Variants in MAGI1 observed in about 807,000 individuals in gnomAD.
MAGI1 encodes the protein membrane associated guanylate kinase, WW and PDZ domain containing 1.
MAGI1 carries 58 observed loss-of-function variants against 139.9 expected under a neutral mutation model. That is an observed-to-expected ratio of 0.41 (90% CI 0.34 to 0.52). The LOEUF is 0.52. Among genes scored for constraint, MAGI1 ranks in the 20% least tolerant of loss-of-function variants. The probability of loss-of-function intolerance (pLI) is 0.12; values close to 1 mark genes in which losing one functional copy is unlikely to be tolerated. For synonymous variants in MAGI1, 812 were observed against 737.9 expected, an observed-to-expected ratio of 1.10 and a Z score of -1.63; for missense variants, 1,874 against 1,901.6, an observed-to-expected ratio of 0.99 and a Z score of 0.27.
At chr3:65,512,828 C>T (rs1278591197) in intron 2 of MAGI1, among the ~76,000 whole-genome samples, 1 of 151,514 alleles carries the variant, frequency 6.6e-6, no homozygotes, top group Non-Finnish European at 1.5e-5. Context: ...CATTCTGATA[C>T]CAAAGCCAGG....
At chr3:65,748,169 G>A (rs2107809408) in intron 1 of MAGI1, among the ~76,000 whole-genome samples, 1 of 152,248 alleles carries the variant, frequency 6.6e-6, no homozygotes, top group Non-Finnish European at 1.5e-5. Flanking sequence ...ATTTAGACAT[G>A]AAGATTTTTC....
At chr3:65,707,689 C>CA (rs57489811) in intron 1 of MAGI1, among the ~76,000 whole-genome samples, 17,438 of 87,676 alleles carry the variant, frequency 0.2, 1,450 homozygotes, top group East Asian at 0.32. Context: ...TACCCTATCT[C>CA]AAAAAAAAAA....
At chr3:65,699,855 T>C (rs2089476666) in intron 1 of MAGI1, among the ~76,000 whole-genome samples, 1 of 150,034 alleles carries the variant, frequency 6.7e-6, no homozygotes, top group African/African-American at 2.5e-5. Flanking sequence ...TGTGCACATG[T>C]ACCCTAAAAC....
At chr3:65,833,630 A>C (rs1387467760) in intron 1 of MAGI1, among the ~76,000 whole-genome samples, 2 of 152,200 alleles carry the variant, frequency 1.3e-5, no homozygotes, top group African/African-American at 2.4e-5. Flanking sequence ...TGTCATATAA[A>C]ATAGAGAATA....
intron 1 of MAGI1, among the ~76,000 whole-genome samples, chr3:65,923,226 CTTT>C (rs72035925): frequency 2.9e-5 from 4 of 139,934 alleles, no homozygotes; most frequent in Non-Finnish European, 1.5e-5. Context: ...CAACAGACAT[CTTT>C]TTTTTTTTTT....
Position 65,430,696 on chromosome 3 carries a change from T to G in MAGI1, c.1546+3A>C. 1 of 1,613,024 alleles carries G rather than the reference T, an allele frequency of 6.2e-7. No homozygotes were observed. ...GAACACACTAAGGCCATGTTGACGC[T>G]ACCTGTTTCCATCTTGCCATCCAAT... On this transcript the variant is annotated splice_donor_region_variant and intron_variant, in intron 11 of 22. Coordinates refer to ENST00000402939, the MANE Select transcript of MAGI1 (RefSeq NM_001033057.2).
At chr3:65,389,931 C>T (rs1300334167) in intron 14 of MAGI1, among the ~76,000 whole-genome samples, 1 of 152,224 alleles carries the variant, frequency 6.6e-6, no homozygotes, top group East Asian at 1.9e-4. Context: ...AGCAAGACTC[C>T]AGGCTCACCT....
At chr3:65,863,292 C>T (rs1397978976) in intron 1 of MAGI1, among the ~76,000 whole-genome samples, 3 of 152,216 alleles carry the variant, frequency 2.0e-5, no homozygotes, top group Admixed American at 6.5e-5. Flanking sequence ...AAGACTATTA[C>T]TTATGATATA....
At chr3:65,718,134 A>G (rs183379218) in intron 1 of MAGI1, among the ~76,000 whole-genome samples, 15 of 152,320 alleles carry the variant, frequency 9.8e-5, no homozygotes, top group African/African-American at 3.6e-4. Flanking sequence ...CTACAAGGTC[A>G]CAGTGACATA....
chr3:65,768,167 C>T (rs1157983110), intron 1 of MAGI1, among the ~76,000 whole-genome samples: 1 of 152,176 alleles, frequency 6.6e-6, no homozygotes, highest in Admixed American at 6.5e-5. Context: ...TGCCTGTAAT[C>T]CCAGCACTTT....
At chr3:65,443,323 T>A (rs913839637) in intron 7 of MAGI1, among the ~76,000 whole-genome samples, 1 of 152,216 alleles carries the variant, frequency 6.6e-6, no homozygotes, top group Non-Finnish European at 1.5e-5. Context: ...TCCTTGTTCC[T>A]AATGAAAATG....
intron 2 of MAGI1, among the ~76,000 whole-genome samples, chr3:65,544,355 A>G (rs1273860363): frequency 6.6e-6 from 1 of 152,154 alleles, no homozygotes; most frequent in Admixed American, 6.5e-5. Context: ...TGCAGCAGGG[A>G]TAATGCACAC....
intron 6 of MAGI1, chr3:65,453,053 T>C (rs1250037573): frequency 1.5e-5 from 8 of 543,510 alleles, no homozygotes; most frequent in Admixed American, 1.2e-4. Context: ...AGTAAGCATC[T>C]GTCTTTATGT....
At chr3:65,967,046 C>A (rs544825888) in intron 1 of MAGI1, among the ~76,000 whole-genome samples, 2 of 152,264 alleles carry the variant, frequency 1.3e-5, no homozygotes, top group South Asian at 4.1e-4. Flanking sequence ...AGAGGCTCAG[C>A]AACTTGCCCA....
At chr3:65,903,461 G>C (rs2061319442) in intron 1 of MAGI1, among the ~76,000 whole-genome samples, 1 of 152,082 alleles carries the variant, frequency 6.6e-6, no homozygotes, top group Admixed American at 6.5e-5. Context: ...CTACTTCCTA[G>C]GGCAGCATAA....
At chr3:65,366,467 C>T (rs1403216419) in intron 18 of MAGI1, among the ~76,000 whole-genome samples, 7 of 152,164 alleles carry the variant, frequency 4.6e-5, no homozygotes, top group African/African-American at 1.7e-4. Context: ...ATGCACTCCT[C>T]TGAGTCTTTA....
intron 2 of MAGI1, among the ~76,000 whole-genome samples, chr3:65,610,490 AT>A (rs779563827): frequency 1.3e-5 from 2 of 151,268 alleles, no homozygotes; most frequent in African/African-American, 2.4e-5. Flanking sequence ...TCAGGCAGCT[AT>A]TTTTTTTCAA....
chr3:66,005,221 T>C (rs966238495), intron 1 of MAGI1, among the ~76,000 whole-genome samples: 1 of 152,178 alleles, frequency 6.6e-6, no homozygotes, highest in African/African-American at 2.4e-5. Flanking sequence ...TCTTTGAATG[T>C]GTTGCAAGGG....
chr3:65,527,649 CG>C (rs1325205696), intron 2 of MAGI1, among the ~76,000 whole-genome samples: 1 of 152,046 alleles, frequency 6.6e-6, no homozygotes, highest in Admixed American at 6.6e-5. Context: ...AGTGTGAACC[CG>C]GGGGGCAGAG....
Sources: gnomAD v4.1 joint callset for allele counts (sites outside exome capture counted in the v4.1 genomes callset) on GRCh38, gnomAD v4.1.1 for gene constraint, MANE v1.5 for transcripts, NCBI Gene and HGNC (gene_info 2026-07-23, HGNC 2026-07-21) for gene names.